SERPINB5: variants seen among roughly 807,000 people sequenced by gnomAD.
The protein encoded by SERPINB5 is serpin B5.
A neutral mutation model predicts 32.2 loss-of-function variants in SERPINB5; 27 were observed. That is an observed-to-expected ratio of 0.84 (90% confidence interval 0.62 to 1.16). SERPINB5 has a LOEUF of 1.16. SERPINB5 is among the 50% of genes most tolerant of loss of function. The probability of loss-of-function intolerance (pLI) is 0.00; values close to 1 mark genes in which losing one functional copy is unlikely to be tolerated. For missense variants in SERPINB5, 388 were observed against 436.3 expected, an observed-to-expected ratio of 0.89 and a Z score of 0.99; for synonymous variants, 154 against 157.4, an observed-to-expected ratio of 0.98 and a Z score of 0.16.
intron 5 of SERPINB5, chr18:63,493,851 C>T (rs184878244): frequency 1.2e-3 from 143 of 123,356 alleles, no homozygotes; most frequent in African/African-American, 4.6e-3. Context: ...AGTGAAACTC[C>T]ACCTCAAGAA....
intron 4 of SERPINB5, chr18:63,490,562 C>T (rs1443801970): frequency 6.6e-6 from 1 of 152,200 alleles, no homozygotes; most frequent in African/African-American, 2.4e-5. Flanking sequence ...GGGAGGGATA[C>T]ACTTCCGGGG....
intron 1 of SERPINB5, among the ~76,000 whole-genome samples, chr18:63,478,859 A>G (rs1431733894): frequency 1.3e-5 from 2 of 149,976 alleles, no homozygotes; most frequent in Non-Finnish European, 3.0e-5. Context: ...TCCCAGGTTC[A>G]AGTGATTTTT....
chr18:63,494,120 G>A (rs1909399434), intron 5 of SERPINB5, among the ~76,000 whole-genome samples: 1 of 151,730 alleles, frequency 6.6e-6, no homozygotes, highest in Non-Finnish European at 1.5e-5. Flanking sequence ...TCAGGAGTTT[G>A]AGACCAGCCT....
chr18:63,496,638 A>C (rs1015748838), intron 5 of SERPINB5, among the ~76,000 whole-genome samples: 16 of 152,234 alleles, frequency 1.1e-4, no homozygotes, highest in African/African-American at 3.9e-4. Flanking sequence ...TTAGTATTTG[A>C]AGATACCAGA....
In SERPINB5 at chr18:63,487,024, T is replaced by C; in HGVS notation, c.247T>C (p.Phe83Leu). The change falls in exon 3 of 7, where the codon TTT becomes CTT. Residue 83 changes from phenylalanine to leucine, a missense_variant. Transcript: ENST00000382771. ...ATCGGATGTAAACAAACTTAGTTCC[T>C]TTTACTCACTGAAACTAATCAAGCG... ...VTSDVNKLSS[F>L]YSLKLIKRLY... The C allele has an allele frequency of 6.2e-7, 1 of 1,614,034 alleles. No individual in the cohort carries two copies. The highest frequency in any genetic ancestry group is 8.5e-7 in the Non-Finnish European group (1 of 1,179,870).
At chr18:63,490,513 G>C (rs554995995) in intron 4 of SERPINB5, 1 of 152,338 alleles carries the variant, frequency 6.6e-6, no homozygotes, top group Non-Finnish European at 1.5e-5. Context: ...GCCGAATCTA[G>C]TCATGAAAGA....
Position 63,499,116 on chromosome 18 carries a change from A to G in SERPINB5, c.568-4A>G, listed in dbSNP as rs1179088764. On this transcript the variant is annotated splice_region_variant and splice_polypyrimidine_tract_variant and intron_variant, in intron 5 of 6. Coordinates refer to ENST00000382771, the MANE Select transcript of SERPINB5 (RefSeq NM_002639.5). ...GTAAGCAGTCCAAATTTTCCCTTTT[A>G]CAGACAGACACCAAACCAGTGCAGA... The G allele has an allele frequency of 1.3e-6, 2 of 1,482,038 alleles. No homozygotes were observed. Among genetic ancestry groups the G allele is most frequent in the Non-Finnish European group, 1.8e-6 (2 of 1,111,192 alleles). The allele number at this position is 1,482,038 out of a possible 1,614,324, so 91.8% of individuals were successfully genotyped here. A position where few individuals can be genotyped will look rare whatever the true frequency, so the allele number is the denominator to read the frequency against.
intron 6 of SERPINB5, among the ~76,000 whole-genome samples, chr18:63,503,030 CCAAA>C (rs373144034): frequency 5.3e-5 from 8 of 151,910 alleles, no homozygotes; most frequent in East Asian, 3.9e-4. Flanking sequence ...TAAAAAAAAC[CCAAA>C]CAAACAAACA....
At chr18:63,482,061 A>G (rs891201608) in intron 1 of SERPINB5, among the ~76,000 whole-genome samples, 1 of 152,234 alleles carries the variant, frequency 6.6e-6, no homozygotes, top group Non-Finnish European at 1.5e-5. Context: ...GCATGAACAG[A>G]GTCAATAAAA....
intron 6 of SERPINB5, among the ~76,000 whole-genome samples, chr18:63,502,370 C>T (rs1909587957): frequency 6.6e-6 from 1 of 151,994 alleles, no homozygotes; most frequent in African/African-American, 2.4e-5. Context: ...CTCCTGACCT[C>T]GTGATCCACC....
At position 63,489,468 on chromosome 18, in the gene SERPINB5, A is replaced by T. The variant is rs1335238645; in HGVS notation, c.424+4A>T. On this transcript the variant is annotated splice_donor_region_variant and intron_variant, in intron 4 of 6. Coordinates refer to ENST00000382771, the MANE Select transcript of SERPINB5 (RefSeq NM_002639.5). ...TCAATTAAGGATCTCACAGATGGCA[A>T]GTACCCTTTAATTGTTCTGCTATCA... 2 of 1,526,410 alleles carry T rather than the reference A, an allele frequency of 1.3e-6. No individual in the cohort carries two copies. The highest frequency in any genetic ancestry group is 2.3e-5 in the South Asian group (2 of 88,222). The allele number at this position is 1,526,410 out of a possible 1,614,324, so 94.6% of individuals were successfully genotyped here.
Position 63,499,247 on chromosome 18 carries a change from TA to T in SERPINB5, c.696del (p.Lys234ArgfsTer48), listed in dbSNP as rs1401862351. ...AAGCATCTCAGCATGTTCATCCTAC[TA>T]CCCAAGGATGTGGAGGATGAGTCCA... is the stretch of plus-strand genomic sequence containing the variant. ...QNKHLSMFIL[L>X]PKDVEDESTG... On this transcript the variant is annotated frameshift_variant, in exon 6 of 7. Transcript: ENST00000382771. LOFTEE classifies it high-confidence loss of function. 4.4e-6 allele frequency: 7 copies of T among 1,598,000 alleles called. No homozygotes were observed. The highest frequency in any genetic ancestry group is 6.0e-6 in the Non-Finnish European group (7 of 1,171,708).
intron 1 of SERPINB5, among the ~76,000 whole-genome samples, chr18:63,482,545 A>G (rs1284410623): frequency 4.6e-5 from 7 of 152,182 alleles, no homozygotes; most frequent in Non-Finnish European, 1.0e-4. Flanking sequence ...TCAGGAGTTC[A>G]TGTAGTTCAG....
chr18:63,493,440 T>C, intron 5 of SERPINB5: 1 of 503,552 alleles, frequency 2.0e-6, no homozygotes. Context: ...CAGAGGACTT[T>C]GGATTATCAT....
In SERPINB5 at chr18:63,489,429, G is replaced by C. The variant is rs1354420310; in HGVS notation, c.389G>C (p.Gly130Ala). The change falls in exon 4 of 7, where the codon GGT becomes GCT. Residue 130 changes from glycine (G) to alanine (A), a missense_variant. Gly to Ala is a moderately conservative substitution (Grantham distance 60). Transcript: ENST00000382771. ...DFKDKLEETK[G>A]QINNSIKDLT... Reference sequence around the variant, plus strand: ...AAAGATAAATTGGAAGAAACGAAAGGTCAGATCAACAACTCAATTAAGGAT... The same window carrying C: ...AAAGATAAATTGGAAGAAACGAAAGCTCAGATCAACAACTCAATTAAGGAT... 18 of 1,612,540 alleles carry C rather than the reference G, an allele frequency of 1.1e-5. No homozygotes were observed. The highest frequency in any genetic ancestry group is 1.5e-5 in the Non-Finnish European group (18 of 1,179,158).
intron 1 of SERPINB5, among the ~76,000 whole-genome samples, chr18:63,480,922 T>A (rs959883461): frequency 2.0e-5 from 3 of 152,110 alleles, no homozygotes; most frequent in African/African-American, 7.2e-5. Context: ...TTCCCAGACA[T>A]GAAGGAGAAT....
At chr18:63,487,210 TAAATA>T in intron 3 of SERPINB5, 127 bp downstream of exon 3, 1 of 882,016 alleles carries the variant, frequency 1.1e-6, no homozygotes, top group Non-Finnish European at 1.7e-6. Flanking sequence ...TTTGAGGCTT[TAAATA>T]AATAAATCCT....
chr18:63,494,409 T>C (rs1909407300), intron 5 of SERPINB5, among the ~76,000 whole-genome samples: 1 of 151,620 alleles, frequency 6.6e-6, no homozygotes, highest in Non-Finnish European at 1.5e-5. Flanking sequence ...ATTTGACCCA[T>C]TTTATTGGAA....
intron 6 of SERPINB5, among the ~76,000 whole-genome samples, chr18:63,500,695 C>A (rs889998014): frequency 6.6e-6 from 1 of 152,104 alleles, no homozygotes; most frequent in Admixed American, 6.5e-5. Flanking sequence ...CGCCTGGCCT[C>A]AACCCTTGGC....
Sources: allele counts gnomAD v4.1 joint callset (sites outside exome capture counted in the v4.1 genomes callset), GRCh38; gene constraint gnomAD v4.1.1; transcripts MANE v1.5; gene names NCBI Gene and HGNC (gene_info 2026-07-23, HGNC 2026-07-21).